RARB: variants seen among roughly 807,000 people sequenced by gnomAD.
RARB encodes HBV-activated protein.
RARB carries 17 observed loss-of-function variants against 51.9 expected under a neutral mutation model. That is an observed-to-expected ratio of 0.33 (90% CI 0.22 to 0.49). The LOEUF (loss-of-function observed/expected upper bound fraction) is 0.49, where lower values mean the gene tolerates loss of function less well. Ranked by LOEUF, RARB falls within the 20% of genes least tolerant of loss-of-function variation. The probability of loss-of-function intolerance (pLI) is 0.99; values close to 1 mark genes in which losing one functional copy is unlikely to be tolerated. For missense variants in RARB, 369 were observed against 550.8 expected (o/e 0.67, Z 3.30); for synonymous variants, 215 against 195.4 (o/e 1.10, Z -0.84).
chr3:24,869,764 G>A (rs763838317), intron 2 of RARB, among the ~76,000 whole-genome samples: 1 of 151,866 alleles, frequency 6.6e-6, no homozygotes, highest in Non-Finnish European at 1.5e-5. Flanking sequence ...TTGTATTTCT[G>A]TTTATCCTCT....
intron 2 of RARB, among the ~76,000 whole-genome samples, chr3:24,921,626 G>T (rs1008781267): frequency 3.3e-5 from 5 of 152,060 alleles, no homozygotes; most frequent in African/African-American, 1.2e-4. Context: ...CAGCGAGGAG[G>T]TCCCCCCCAT....
chr3:25,182,433 T>G (rs1395071430), intron 5 of RARB, among the ~76,000 whole-genome samples: 1 of 152,144 alleles, frequency 6.6e-6, no homozygotes, highest in African/African-American at 2.4e-5. Context: ...GGAAGGCATA[T>G]GGGGTTAGGA....
intron 2 of RARB, among the ~76,000 whole-genome samples, chr3:24,996,369 A>G (rs1264873614): frequency 1.3e-5 from 2 of 151,848 alleles, no homozygotes; most frequent in Admixed American, 6.6e-5. Context: ...TCATTAGTCT[A>G]TCTAATGATT....
At chr3:25,143,050 G>A (rs73143463) in intron 4 of RARB, among the ~76,000 whole-genome samples, 1,602 of 152,240 alleles carry the variant, frequency 0.011, 33 homozygotes, top group African/African-American at 0.037. Context: ...TTTAGCTGAG[G>A]GGCATTTATT....
rs185160103 is a variant in RARB, at chr3:24,889,619, A to T, written c.-380+30867A>T. ...TTTTGTTTTTAATTTCTATTATTTG[A>T]GTGGTATGTCTTTCTTCCCACCCAC... On this transcript the variant is annotated intron_variant, in intron 2 of 11. Transcript: ENST00000383772. 2.4e-3 allele frequency among the ~76,000 whole-genome samples: 358 copies of T among 150,428 alleles called. 5 individuals are homozygous for T. The highest frequency in any genetic ancestry group is 6.1e-3 in the Admixed American group (92 of 15,088).
chr3:25,134,046 AT>A (rs984334812), intron 4 of RARB, among the ~76,000 whole-genome samples: 2 of 150,120 alleles, frequency 1.3e-5, no homozygotes, highest in Non-Finnish European at 3.0e-5. Context: ...GTGCTCTTCT[AT>A]TTTTTGTTAT....
At chr3:24,972,770 C>T (rs534250875) in intron 2 of RARB, among the ~76,000 whole-genome samples, 12 of 151,936 alleles carry the variant, frequency 7.9e-5, no homozygotes, top group African/African-American at 1.4e-4. Flanking sequence ...TCATATACCC[C>T]GTGGCCATTT....
At chr3:25,117,882 G>A (rs1351100091) in intron 3 of RARB, among the ~76,000 whole-genome samples, 2 of 152,094 alleles carry the variant, frequency 1.3e-5, no homozygotes. Context: ...TATAACAAAA[G>A]AAGATATAAT....
intron 4 of RARB, among the ~76,000 whole-genome samples, chr3:25,165,635 A>G (rs1668761277): frequency 6.6e-6 from 1 of 152,146 alleles, no homozygotes; most frequent in South Asian, 2.1e-4. Context: ...GCTTTTCTCA[A>G]AAACAAGCAA....
intron 5 of RARB, among the ~76,000 whole-genome samples, chr3:25,269,156 A>T (rs1438810107): frequency 6.6e-6 from 1 of 152,212 alleles, no homozygotes; most frequent in African/African-American, 2.4e-5. Context: ...GTGCCAAAAT[A>T]TGTCTCAACT....
rs150974264 is a variant in RARB at position 25,104,525 on chromosome 3, T to C, written c.-327-27636T>C. ...TTGGCATAGCAGTGCATATCTATAGTTCCAGCTACTCGGGAGGCTATGGTA... is the reference window on the plus strand; with the variant it reads ...TTGGCATAGCAGTGCATATCTATAGCTCCAGCTACTCGGGAGGCTATGGTA... On this transcript the variant is annotated intron_variant, in intron 3 of 11. Coordinates refer to the RARB transcript ENST00000383772. Among the ~76,000 whole-genome samples the C allele has an allele frequency of 7.3e-4, 111 of 152,254 alleles. 1 individual carries two copies. The highest frequency in any genetic ancestry group is 2.4e-3 in the African/African-American group (98 of 41,560).
intron 2 of RARB, among the ~76,000 whole-genome samples, chr3:25,475,188 T>G (rs1253645838): frequency 6.6e-6 from 1 of 152,246 alleles, no homozygotes; most frequent in African/African-American, 2.4e-5. Context: ...TTTTGAATTA[T>G]TGAGTCTACA....
intron 2 of RARB, among the ~76,000 whole-genome samples, chr3:25,037,212 A>G (rs554304336): frequency 6.6e-6 from 1 of 150,744 alleles, no homozygotes; most frequent in East Asian, 1.9e-4. Context: ...GAAGCAATTT[A>G]TGGCATTCCA....
intron 1 of RARB, among the ~76,000 whole-genome samples, chr3:24,858,069 TA>T (rs1254386541): frequency 6.6e-6 from 1 of 152,214 alleles, no homozygotes; most frequent in Non-Finnish European, 1.5e-5. Context: ...AAAGACAATT[TA>T]GAACCTAAGA....
intron 2 of RARB, among the ~76,000 whole-genome samples, chr3:25,028,027 A>G (rs924697601): frequency 6.6e-6 from 1 of 152,078 alleles, no homozygotes; most frequent in Non-Finnish European, 1.5e-5. Flanking sequence ...TTTCAGAACG[A>G]TCTTGAAATG....
chr3:25,146,781 A>C (rs1194441326), intron 4 of RARB, among the ~76,000 whole-genome samples: 1 of 151,948 alleles, frequency 6.6e-6, no homozygotes, highest in Non-Finnish European at 1.5e-5. Flanking sequence ...GGCCTCCCAA[A>C]GTGCTAGGAT....
intron 3 of RARB, among the ~76,000 whole-genome samples, chr3:25,067,696 T>C (rs1027316174): frequency 6.6e-6 from 1 of 152,206 alleles, no homozygotes; most frequent in East Asian, 1.9e-4. Context: ...AACCCCCTTC[T>C]CCTCCTATGC....
At chr3:25,384,030 T>C (rs537601910) in intron 5 of RARB, among the ~76,000 whole-genome samples, 58 of 152,322 alleles carry the variant, frequency 3.8e-4, no homozygotes, top group Middle Eastern at 6.8e-3. Context: ...GTTGGGTGTT[T>C]AGAGTGAGTT....
chr3:25,369,348 C>G (rs1430197515), intron 5 of RARB, among the ~76,000 whole-genome samples: 2 of 152,178 alleles, frequency 1.3e-5, no homozygotes, highest in Admixed American at 6.6e-5. Flanking sequence ...CATTCTCAGA[C>G]ATTTACTGAA....
Sources: allele counts gnomAD v4.1 joint callset (sites outside exome capture counted in the v4.1 genomes callset), GRCh38; gene constraint gnomAD v4.1.1; transcripts MANE v1.5; gene names NCBI Gene and HGNC (gene_info 2026-07-23, HGNC 2026-07-21).